Variants in PTPN13 observed in about 807,000 individuals in gnomAD.
The protein encoded by PTPN13 is tyrosine-protein phosphatase non-receptor type 13.
Under a neutral mutation model 284.0 loss-of-function variants are expected in PTPN13, and 191 were observed. That is an observed-to-expected ratio of 0.67 (90% confidence interval 0.60 to 0.76). PTPN13 has a LOEUF of 0.76. Among genes scored for constraint, PTPN13 ranks in the 30% least tolerant of loss-of-function variants. PTPN13 has a pLI of 0.00. For synonymous variants in PTPN13, 986 were observed against 1,022.3 expected (o/e 0.96, Z 0.68); for missense variants, 2,797 against 2,939.9 (o/e 0.95, Z 1.12).
chr4:86,624,399 G>T (rs1026854174), intron 1 of PTPN13, among the ~76,000 whole-genome samples: 5 of 152,166 alleles, frequency 3.3e-5, no homozygotes, highest in African/African-American at 9.7e-5. Flanking sequence ...ATTATAAGAT[G>T]ATATATGATT....
At chr4:86,755,483 A>G (rs1041492782) in intron 20 of PTPN13, among the ~76,000 whole-genome samples, 2 of 152,104 alleles carry the variant, frequency 1.3e-5, no homozygotes, top group Non-Finnish European at 2.9e-5. Flanking sequence ...TTATACAGCA[A>G]TTGAAAAGTA....
chr4:86,610,990 A>T (rs1031150331), intron 1 of PTPN13, among the ~76,000 whole-genome samples: 2 of 152,228 alleles, frequency 1.3e-5, no homozygotes, highest in Non-Finnish European at 2.9e-5. Context: ...TAAAATGTAT[A>T]GAAGATGATG....
Position 86,707,822 on chromosome 4 carries a change from G to A in PTPN13, c.1195+6021G>A, listed in dbSNP as rs557400446. 6.6e-5 allele frequency among the ~76,000 whole-genome samples: 10 copies of A among 151,900 alleles called. 1 individual carries two copies. In the East Asian group the frequency reaches 1.9e-3, roughly 29 times the overall value. On this transcript the variant is annotated intron_variant, in intron 7 of 47. Transcript: ENST00000411767. ...CACAAAAGTAAATGAGAATAAGCAG[G>A]GATTTTCTGTAATATTGGTCAAATA...
chr4:86,759,835 G>A (rs562862543), intron 23 of PTPN13, among the ~76,000 whole-genome samples: 116 of 152,150 alleles, frequency 7.6e-4, no homozygotes, highest in Middle Eastern at 3.4e-3. Context: ...ACATTGCCTG[G>A]TACATATGAA....
Position 86,732,429 on chromosome 4 carries a change from G to T in PTPN13, c.1638G>T (p.Met546Ile). Residue 546 changes from methionine to isoleucine, a missense_variant, in exon 11 of 48, where the codon ATG becomes ATT. Physicochemically the swap from Met to Ile is conservative, Grantham distance 10. Coordinates refer to ENST00000411767, the MANE Select transcript of PTPN13 (RefSeq NM_080683.3). ...TCTTTGGCCCTGAGTTTGTGAAAAT[G>T]ACAATTGAACCATTTATATCTTTGG... ...RNFFGPEFVK[M>I]TIEPFISLDL... 1 of 1,600,328 alleles carries T rather than the reference G, an allele frequency of 6.2e-7. No homozygotes were observed.
intron 6 of PTPN13, among the ~76,000 whole-genome samples, chr4:86,696,972 A>G (rs1730655275): frequency 6.6e-6 from 1 of 152,068 alleles, no homozygotes; most frequent in South Asian, 2.1e-4. Flanking sequence ...ACCTTTTACA[A>G]ATTCATAAAA....
chr4:86,612,658 G>C (rs1029956514), intron 1 of PTPN13, among the ~76,000 whole-genome samples: 3 of 152,022 alleles, frequency 2.0e-5, no homozygotes, highest in Admixed American at 1.3e-4. Flanking sequence ...CTCTGATAAA[G>C]AGAAAATCTT....
At chr4:86,810,377 TG>T (rs1745097987) in intron 46 of PTPN13, among the ~76,000 whole-genome samples, 1 of 152,136 alleles carries the variant, frequency 6.6e-6, no homozygotes, top group South Asian at 2.1e-4. Context: ...CTTGTATTTT[TG>T]TATTATCTAT....
At chr4:86,713,976 A>G (rs142898638) in intron 7 of PTPN13, among the ~76,000 whole-genome samples, 8 of 152,182 alleles carry the variant, frequency 5.3e-5, no homozygotes, top group African/African-American at 1.9e-4. Flanking sequence ...CTAGCAAAAA[A>G]GAATTCCTCA....
chr4:86,770,639 A>G (rs1285626283), intron 30 of PTPN13, among the ~76,000 whole-genome samples: 2 of 152,228 alleles, frequency 1.3e-5, no homozygotes, highest in Non-Finnish European at 2.9e-5. Flanking sequence ...TGATGAGCGT[A>G]TAAGTTGGTA....
chr4:86,779,158 C>G (rs1262015771), intron 35 of PTPN13, among the ~76,000 whole-genome samples: 1 of 151,498 alleles, frequency 6.6e-6, no homozygotes, highest in Non-Finnish European at 1.5e-5. Context: ...GCTTTTTGCA[C>G]TAAAGGATGA....
At chr4:86,736,969 T>C (rs1735588089) in intron 15 of PTPN13, among the ~76,000 whole-genome samples, 1 of 152,258 alleles carries the variant, frequency 6.6e-6, no homozygotes. Flanking sequence ...ACACTTTTGC[T>C]ATATATTATG....
At chr4:86,774,971 T>C (rs1740454901) in intron 33 of PTPN13, among the ~76,000 whole-genome samples, 200 bp from the exon 34 acceptor site, 1 of 152,128 alleles carries the variant, frequency 6.6e-6, no homozygotes, top group Non-Finnish European at 1.5e-5. Context: ...TTAACATTAT[T>C]ATTTCATTGT....
chr4:86,805,511 A>T (rs1744558226), intron 44 of PTPN13, 142 bp downstream of exon 44: 1 of 464,804 alleles, frequency 2.2e-6, no homozygotes, highest in African/African-American at 2.0e-5. Flanking sequence ...TAACAAATAC[A>T]TTGAAATATT....
At chr4:86,762,129 C>T (rs980845238) in intron 23 of PTPN13, among the ~76,000 whole-genome samples, 4 of 152,266 alleles carry the variant, frequency 2.6e-5, no homozygotes, top group Non-Finnish European at 5.9e-5. Flanking sequence ...CACACCATCA[C>T]GCCCAGCTAA....
chr4:86,751,364 T>C (rs1688629291), intron 19 of PTPN13, among the ~76,000 whole-genome samples: 1 of 152,176 alleles, frequency 6.6e-6, no homozygotes, highest in South Asian at 2.1e-4. Context: ...TCTTACTCTG[T>C]CACCCAGTCT....
At chr4:86,713,934 A>C (rs773684299) in intron 7 of PTPN13, among the ~76,000 whole-genome samples, 4 of 152,100 alleles carry the variant, frequency 2.6e-5, no homozygotes, top group Non-Finnish European at 4.4e-5. Context: ...ATAATTCATC[A>C]TGTGAATGAA....
rs1273632894 is a variant in PTPN13 at position 86,732,630 on chromosome 4, A to C, written c.1722A>C (p.Val574=). 1 of 1,613,482 alleles carries C rather than the reference A, an allele frequency of 6.2e-7. No individual in the cohort carries two copies. Among genetic ancestry groups the C allele is most frequent in the East Asian group, 2.2e-5 (1 of 44,836 alleles). Residue 574 remains valine (V), a synonymous_variant, in exon 12 of 48, where the codon GTA becomes GTC. Transcript: ENST00000411767. ...KGKNEDNRRK[V]NIMLLNGQRL... is the part of the protein sequence containing the mutation. ...AGAATGAGGATAACCGAAGGAAAGT[A>C]AACATAATGCTTCTGAACGGGCAAA...
intron 28 of PTPN13, 28 bp downstream of exon 28, chr4:86,768,004 C>A: frequency 6.3e-7 from 1 of 1,583,000 alleles, no homozygotes; most frequent in East Asian, 2.2e-5. Flanking sequence ...TACAATCTCA[C>A]CTTTAAATTA....
Sources: gnomAD v4.1 joint callset for allele counts (sites outside exome capture counted in the v4.1 genomes callset) on GRCh38, gnomAD v4.1.1 for gene constraint, MANE v1.5 for transcripts, NCBI Gene and HGNC (gene_info 2026-07-23, HGNC 2026-07-21) for gene names.